NLRP8: variants seen among roughly 807,000 people sequenced by gnomAD.
NLRP8 encodes NACHT, LRR and PYD domains-containing protein 8.
A neutral mutation model predicts 88.7 loss-of-function variants in NLRP8; 86 were observed. That is an observed-to-expected ratio of 0.97 (90% CI 0.81 to 1.16). The LOEUF is 1.16. Ranked by LOEUF, NLRP8 falls within the 50% of genes most tolerant of loss-of-function variation. The probability of loss-of-function intolerance (pLI) is 0.00; values close to 1 mark genes in which losing one functional copy is unlikely to be tolerated. For missense variants in NLRP8, 1,342 were observed against 1,286.5 expected (o/e 1.04, Z -0.66); for synonymous variants, 504 against 494.6 (o/e 1.02, Z -0.25).
chr19:55,970,727 G>A, intron 6 of NLRP8, 31 bp downstream of exon 6: 1 of 1,611,120 alleles, frequency 6.2e-7, no homozygotes. Context: ...CTGTGGTTGT[G>A]GTTGTGGTTG....
chr19:55,970,857 T>G (rs1434305056), intron 6 of NLRP8, among the ~76,000 whole-genome samples, 161 bp downstream of exon 6: 2 of 151,954 alleles, frequency 1.3e-5, no homozygotes, highest in South Asian at 2.1e-4. Flanking sequence ...TCAATAAGGG[T>G]CCAGCCAAGA....
chr19:55,948,343 C>G (rs1978946408), intron 1 of NLRP8, 74 bp downstream of exon 1: 1 of 1,471,440 alleles, frequency 6.8e-7, no homozygotes, highest in East Asian at 2.3e-5. Context: ...AGTCACCACC[C>G]CTATCACTTA....
chr19:55,949,879 C>T (rs1979015188), intron 1 of NLRP8, among the ~76,000 whole-genome samples: 1 of 152,016 alleles, frequency 6.6e-6, no homozygotes, highest in Non-Finnish European at 1.5e-5. Context: ...TATTAGATGG[C>T]TAGAGAGTAA....
At position 55,976,179 on chromosome 19, in the gene NLRP8, T is replaced by A; in HGVS notation, c.2752T>A (p.Ser918Thr). ...CTTTAATTGCTGTCAGGATATGATC[T>A]CTGCGCTCTGTAAAAATAAAACCCT... The change falls in exon 8 of 10, where the codon TCT becomes ACT. Residue 918 changes from serine (S) to threonine (T), a missense_variant. Physicochemically the swap from Ser to Thr is moderately conservative, Grantham distance 58. Coordinates refer to ENST00000291971, the MANE Select transcript of NLRP8 (RefSeq NM_176811.2). 6.2e-7 allele frequency: 1 copy of A among 1,613,634 alleles called. No individual in the cohort carries two copies. Among genetic ancestry groups the A allele is most frequent in the Non-Finnish European group, 8.5e-7 (1 of 1,179,914 alleles).
In NLRP8 at chr19:55,950,047, C is replaced by T. The variant is rs117864611; in HGVS notation, c.367+1778C>T. The stretch of plus-strand genomic sequence containing the variant: ...AGAAAATCAGAGGGGATGGAAACCC[C>T]GTGACCCAGTGGTAGAGAAAATCTT... On this transcript the variant is annotated intron_variant, in intron 1 of 9. Transcript: ENST00000291971. Among the ~76,000 whole-genome samples the T allele has an allele frequency of 2.2e-3, 328 of 152,126 alleles. 3 individuals are homozygous for T. The highest frequency in any genetic ancestry group is 3.1e-3 in the South Asian group (15 of 4,820).
intron 9 of NLRP8, among the ~76,000 whole-genome samples, chr19:55,981,907 T>C (rs1980589234): frequency 8.7e-5 from 1 of 11,558 alleles, no homozygotes; most frequent in Admixed American, 5.8e-4. Context: ...CTCTTGTTTT[T>C]TGTTTTTTTT....
At chr19:55,987,702 G>A (rs1427744730) in intron 9 of NLRP8, 1 of 731,568 alleles carries the variant, frequency 1.4e-6, no homozygotes, top group Non-Finnish European at 2.4e-6. Context: ...GAAAGGTGAG[G>A]TGGGAGGGGT....
At chr19:55,949,142 T>C (rs1434177748) in intron 1 of NLRP8, among the ~76,000 whole-genome samples, 1 of 152,234 alleles carries the variant, frequency 6.6e-6, no homozygotes, top group Non-Finnish European at 1.5e-5. Context: ...ATACCGTTTA[T>C]GATAGTATAG....
At chr19:55,970,717 C>CTGTGGT (rs778564335) in intron 6 of NLRP8, 21 bp downstream of exon 6, 10 of 1,613,100 alleles carry the variant, frequency 6.2e-6, no homozygotes, top group African/African-American at 4.0e-5. Flanking sequence ...TTTCTAGTGG[C>CTGTGGT]TGTGGTTGTG....
At chr19:55,977,534 A>G (rs1037123814) in intron 8 of NLRP8, among the ~76,000 whole-genome samples, 8 of 145,134 alleles carry the variant, frequency 5.5e-5, no homozygotes, top group African/African-American at 2.0e-4. Context: ...ATATAATATT[A>G]AAATATATAT....
At chr19:55,978,316 A>T (rs79909441) in intron 8 of NLRP8, among the ~76,000 whole-genome samples, 2,905 of 152,212 alleles carry the variant, frequency 0.019, 85 homozygotes, top group East Asian at 0.053. Context: ...TTTGGTCATG[A>T]GCAGTAACTT....
intron 3 of NLRP8, among the ~76,000 whole-genome samples, chr19:55,961,182 G>A (rs1335085479): frequency 1.3e-5 from 2 of 151,994 alleles, no homozygotes; most frequent in African/African-American, 4.8e-5. Flanking sequence ...GGATTACAAT[G>A]TGAGCCACCG....
Position 55,955,322 on chromosome 19 carries a change from A to C in NLRP8, c.1264A>C (p.Asn422His). 1 of 1,614,132 alleles carries C rather than the reference A, an allele frequency of 6.2e-7. No homozygotes were observed. Among genetic ancestry groups the C allele is most frequent in the South Asian group, 1.1e-5 (1 of 91,086 alleles). ...AAACAATCTCACACAGTCATGTCCAAATGCCACCTCTGTGTTCGTCCGGTA... is the reference window on the plus strand; with the variant it reads ...AAACAATCTCACACAGTCATGTCCACATGCCACCTCTGTGTTCGTCCGGTA... Residue 422 changes from asparagine to histidine, a missense_variant, in exon 3 of 10, where the codon AAT (asparagine) becomes CAT (histidine). By Grantham distance (68) the Asn-to-His change is moderately conservative. Transcript: ENST00000291971.
intron 8 of NLRP8, among the ~76,000 whole-genome samples, chr19:55,977,275 TAC>T (rs1003057024): frequency 3.4e-5 from 5 of 145,966 alleles, no homozygotes; most frequent in African/African-American, 1.2e-4. Context: ...CACATATATG[TAC>T]AGACACATAT....
chr19:55,976,293 C>T lies in NLRP8; in HGVS notation c.2866C>T (p.Gln956Ter), dbSNP rs1442019667. ...CCTGAAGAACCCTGACTGTACATTA[C>T]AGATCCTGGAGTAAGTGGCCCCTCG... Residue 956 changes from glutamine to a stop codon, truncating the protein, a stop_gained, in exon 8 of 10, where the codon CAG becomes TAG. Coordinates refer to ENST00000291971, the MANE Select transcript of NLRP8 (RefSeq NM_176811.2). LOFTEE classifies it high-confidence loss of function. 6.2e-7 allele frequency: 1 copy of T among 1,602,404 alleles called. No homozygotes were observed. The highest frequency in any genetic ancestry group is 8.5e-7 in the Non-Finnish European group (1 of 1,176,812).
intron 9 of NLRP8, among the ~76,000 whole-genome samples, chr19:55,984,928 G>A (rs2123234624): frequency 6.6e-6 from 1 of 152,306 alleles, no homozygotes; most frequent in East Asian, 1.9e-4. Flanking sequence ...AATTTTCCTT[G>A]GCTGTATGCA....
Position 55,947,929 on chromosome 19 carries a change from C to G in NLRP8, c.27C>G (p.Asp9Glu), listed in dbSNP as rs775133151. The stretch of plus-strand genomic sequence containing the variant: ...TGAGTGACGTGAATCCACCCTCTGA[C>G]ACCCCCATTCCCTTTTCATCCTCCT... Residue 9 changes from aspartate (D) to glutamate (E), a missense_variant, in exon 1 of 10, where the codon GAC becomes GAG. Transcript: ENST00000291971. 3 of 1,613,040 alleles carry G rather than the reference C, an allele frequency of 1.9e-6. No homozygotes were observed. The South Asian group carries it at 3.3e-5, about 18-fold the overall frequency.
At chr19:55,979,297 C>T (rs1980473348) in intron 8 of NLRP8, 97 bp from the exon 9 acceptor site, 1 of 1,286,382 alleles carries the variant, frequency 7.8e-7, no homozygotes, top group Non-Finnish European at 1.1e-6. Context: ...ACATTCCTGT[C>T]AGTGTGATTT....
chr19:55,947,938 T>G lies in NLRP8; in HGVS notation c.36T>G (p.Ile12Met). ...TGAATCCACCCTCTGACACCCCCAT[T>G]CCCTTTTCATCCTCCTCCACTCACA... The change falls in exon 1 of 10, where the codon ATT becomes ATG. Residue 12 changes from isoleucine to methionine, a missense_variant. Ile to Met is a conservative substitution (Grantham distance 10). Coordinates refer to ENST00000291971, the MANE Select transcript of NLRP8 (RefSeq NM_176811.2). The G allele has an allele frequency of 1.9e-6, 3 of 1,613,856 alleles. No individual in the cohort carries two copies. The highest frequency in any genetic ancestry group is 2.5e-6 in the Non-Finnish European group (3 of 1,179,870).
Sources: allele counts gnomAD v4.1 joint callset (sites outside exome capture counted in the v4.1 genomes callset), GRCh38; gene constraint gnomAD v4.1.1; transcripts MANE v1.5; gene names NCBI Gene and HGNC (gene_info 2026-07-23, HGNC 2026-07-21).